PRKCZ: variants seen among roughly 807,000 people sequenced by gnomAD.
The protein encoded by PRKCZ is protein kinase C zeta type.
In PRKCZ, 33 loss-of-function variants were observed where a neutral mutation model predicts 79.5. That is an observed-to-expected ratio of 0.41 (90% CI 0.31 to 0.55). The LOEUF (loss-of-function observed/expected upper bound fraction) is 0.55, where lower values mean the gene tolerates loss of function less well. PRKCZ is among the 20% of genes least tolerant of loss of function. The pLI is 0.19. For synonymous variants in PRKCZ, 342 were observed against 320.9 expected (o/e 1.07, Z -0.70); for missense variants, 578 against 813.5 (o/e 0.71, Z 3.52).
At chr1:2,147,932 G>A (rs1192071286) in intron 7 of PRKCZ, among the ~76,000 whole-genome samples, 2 of 136,130 alleles carry the variant, frequency 1.5e-5, no homozygotes, top group East Asian at 2.3e-4. Flanking sequence ...TGACCTCTCC[G>A]TCTATCCATC....
At chr1:2,158,498 T>C (rs1266636324) in intron 10 of PRKCZ, among the ~76,000 whole-genome samples, 1 of 152,242 alleles carries the variant, frequency 6.6e-6, no homozygotes, top group African/African-American at 2.4e-5. Context: ...AGTGAGTCAA[T>C]GCCTCCCTTT....
At chr1:2,121,266 G>A (rs1671828533) in intron 4 of PRKCZ, among the ~76,000 whole-genome samples, 1 of 152,200 alleles carries the variant, frequency 6.6e-6, no homozygotes, top group Admixed American at 6.5e-5. Context: ...GAGCCTGGAG[G>A]CCCATTCCTC....
At chr1:2,077,073 AGACACCAAGTT>A (rs2102349572) in intron 4 of PRKCZ, among the ~76,000 whole-genome samples, 2 of 152,318 alleles carry the variant, frequency 1.3e-5, no homozygotes, top group East Asian at 3.9e-4. Flanking sequence ...AGGAGAGGCG[AGACACCAAGTT>A]GACACGAACA....
At chr1:2,108,219 C>G (rs1020604279) in intron 4 of PRKCZ, among the ~76,000 whole-genome samples, 1 of 152,258 alleles carries the variant, frequency 6.6e-6, no homozygotes, top group African/African-American at 2.4e-5. Flanking sequence ...CTGGTCCAAG[C>G]GCGTGGTGAG....
intron 4 of PRKCZ, among the ~76,000 whole-genome samples, chr1:2,130,811 G>T (rs937413339): frequency 6.6e-6 from 1 of 151,974 alleles, no homozygotes; most frequent in Non-Finnish European, 1.5e-5. Context: ...TTGACCAGCC[G>T]TCTGGGCACC....
At chr1:2,048,815 G>A (rs979168881), upstream of PRKCZ, among the ~76,000 whole-genome samples, 1 of 152,172 alleles carries the variant, frequency 6.6e-6, no homozygotes, top group African/African-American at 2.4e-5. Flanking sequence ...GCTGGAACCC[G>A]GGGCCAGGGA....
intron 4 of PRKCZ, chr1:2,098,656 T>TGTTTTC (rs1324097422): frequency 6.9e-6 from 1 of 144,044 alleles, no homozygotes; most frequent in Non-Finnish European, 1.5e-5. Flanking sequence ...GTTTTTTGTT[T>TGTTTTC]GTTTTCGTTT....
intron 4 of PRKCZ, among the ~76,000 whole-genome samples, chr1:2,118,409 C>T (rs1187047168): frequency 2.6e-5 from 4 of 151,108 alleles, no homozygotes; most frequent in Admixed American, 6.6e-5. Context: ...ACCATCTCCA[C>T]TCACTGCAAG....
At chr1:2,092,216 G>A (rs1398632558) in intron 4 of PRKCZ, among the ~76,000 whole-genome samples, 1 of 146,558 alleles carries the variant, frequency 6.8e-6, no homozygotes, top group African/African-American at 2.6e-5. Context: ...CCCTCCCCCT[G>A]TTTTCCTACG....
chr1:2,085,727 G>A (rs2803311), intron 4 of PRKCZ, among the ~76,000 whole-genome samples: 7 of 79,952 alleles, frequency 8.8e-5, no homozygotes, highest in East Asian at 1.3e-3. Context: ...CTCAGAGCCC[G>A]TGAGGCACCG....
chr1:2,166,740 C>T (rs1229209234), intron 10 of PRKCZ, among the ~76,000 whole-genome samples: 1 of 152,180 alleles, frequency 6.6e-6, no homozygotes. Flanking sequence ...TTCAGCCCCC[C>T]ACCCCCACCC....
At chr1:2,160,236 T>TGC (rs151218937) in intron 10 of PRKCZ, among the ~76,000 whole-genome samples, 5 of 133,198 alleles carry the variant, frequency 3.8e-5, no homozygotes, top group African/African-American at 1.4e-4. Context: ...CCCAGCAGTG[T>TGC]GCGTGTGTGT....
intron 4 of PRKCZ, among the ~76,000 whole-genome samples, chr1:2,115,387 C>T (rs925311944): frequency 1.1e-4 from 16 of 152,226 alleles, no homozygotes; most frequent in Admixed American, 2.0e-4. Flanking sequence ...GTGGAGTTTC[C>T]GGGAAACAGA....
chr1:2,167,314 C>T (rs1200271749), intron 10 of PRKCZ, among the ~76,000 whole-genome samples: 1 of 152,268 alleles, frequency 6.6e-6, no homozygotes, highest in East Asian at 1.9e-4. Flanking sequence ...ATTCTCTCAG[C>T]CTCCTGAGGC....
chr1:2,111,910 G>C (rs933183357), intron 4 of PRKCZ: 1 of 152,232 alleles, frequency 6.6e-6, no homozygotes, highest in Non-Finnish European at 1.5e-5. Context: ...GACGGGTGTC[G>C]GGGAAGGGAC....
intron 4 of PRKCZ, among the ~76,000 whole-genome samples, chr1:2,062,707 C>G (rs775004064): frequency 6.6e-6 from 1 of 151,874 alleles, no homozygotes; most frequent in African/African-American, 2.4e-5. Context: ...AGGCTAGTCT[C>G]GAACTCCTGG....
chr1:2,061,358 G>T (rs541770380), intron 4 of PRKCZ, among the ~76,000 whole-genome samples: 1 of 151,908 alleles, frequency 6.6e-6, no homozygotes, highest in Non-Finnish European at 1.5e-5. Context: ...CCGGCCTTGC[G>T]TAGGGAAGGG....
chr1:2,120,730 A>G (rs181565373), intron 4 of PRKCZ, among the ~76,000 whole-genome samples: 1 of 150,484 alleles, frequency 6.6e-6, no homozygotes, highest in Admixed American at 6.6e-5. Context: ...TTCAATGTGG[A>G]TTTTTTTCTA....
At chr1:2,151,076 A>G (rs1679807656) in intron 9 of PRKCZ, 98 bp downstream of exon 9, 2 of 1,379,162 alleles carry the variant, frequency 1.5e-6, no homozygotes, top group South Asian at 2.7e-5. Flanking sequence ...CGAGAGACCT[A>G]GCCTCACGTT....
Sources: allele counts gnomAD v4.1 joint callset (sites outside exome capture counted in the v4.1 genomes callset), GRCh38; gene constraint gnomAD v4.1.1; transcripts MANE v1.5; gene names NCBI Gene and HGNC (gene_info 2026-07-23, HGNC 2026-07-21).